Variants in VPS13D observed in about 807,000 individuals in gnomAD.
The protein encoded by VPS13D is intermembrane lipid transfer protein VPS13D.
Under a neutral mutation model 461.9 loss-of-function variants are expected in VPS13D, and 187 were observed. That is an observed-to-expected ratio of 0.40 (90% confidence interval 0.36 to 0.46). The LOEUF is 0.46. VPS13D is among the 20% of genes least tolerant of loss of function. The pLI is 0.60. For missense variants in VPS13D, 4,711 were observed against 5,364.9 expected, an observed-to-expected ratio of 0.88 and a Z score of 3.81; for synonymous variants, 1,951 against 1,986.3, an observed-to-expected ratio of 0.98 and a Z score of 0.47.
chr1:12,364,018 C>T (rs2101617793), intron 52 of VPS13D, among the ~76,000 whole-genome samples: 1 of 143,956 alleles, frequency 6.9e-6, no homozygotes, highest in Non-Finnish European at 1.5e-5. Flanking sequence ...AAACTTTCTT[C>T]TTGCTTTCAT....
At chr1:12,455,850 C>T (rs1477613760) in intron 65 of VPS13D, 148 bp from the exon 66 acceptor site, 25 of 964,230 alleles carry the variant, frequency 2.6e-5, no homozygotes, top group Admixed American at 7.5e-5. Flanking sequence ...GCCTGGGAGG[C>T]GGAGGTTGTG....
rs142270656 is a variant in VPS13D at position 12,385,348 on chromosome 1, A to T, written c.11459A>T (p.Asn3820Ile). The change falls in exon 59 of 70, where the codon AAT becomes ATT. Residue 3820 changes from asparagine to isoleucine, a missense_variant. This residue lies in a region of VPS13D where 4,411 missense variants were observed against 4,937.8 expected (regional missense o/e 0.89). Coordinates refer to ENST00000620676, the MANE Select transcript of VPS13D (RefSeq NM_015378.4). ...VTEQELQKLK[N>I]PDTEQELEVL... ...GAACAAGAGCTGCAGAAATTAAAGA[A>T]TCCAGATACAGAGCAGGAATTGGAA... 3.9e-4 allele frequency: 637 copies of T among 1,613,806 alleles called. No individual in the cohort carries two copies. The highest frequency in any genetic ancestry group is 5.0e-4 in the Non-Finnish European group (590 of 1,179,830).
chr1:12,315,655 G>T (rs1251337301), intron 30 of VPS13D, among the ~76,000 whole-genome samples: 2 of 152,156 alleles, frequency 1.3e-5, no homozygotes, highest in Non-Finnish European at 2.9e-5. Context: ...GGTATGTGAT[G>T]TTAAAGCCCA....
chr1:12,436,013 G>A (rs1645055814), intron 65 of VPS13D, among the ~76,000 whole-genome samples: 2 of 152,170 alleles, frequency 1.3e-5, no homozygotes, highest in Non-Finnish European at 2.9e-5. Context: ...ATAACCTCAT[G>A]TTAACAGGTC....
At chr1:12,389,095 G>A (rs556497120) in intron 60 of VPS13D, among the ~76,000 whole-genome samples, 10 of 152,216 alleles carry the variant, frequency 6.6e-5, no homozygotes, top group Non-Finnish European at 1.5e-4. Flanking sequence ...AGAACTTGGA[G>A]TCCAATGTTC....
Position 12,403,818 on chromosome 1 carries a change from G to A in VPS13D, c.11882-7G>A. On this transcript the variant is annotated splice_region_variant and splice_polypyrimidine_tract_variant and intron_variant, in intron 62 of 69. Transcript: ENST00000620676. ...TTTTTGTTTTTTTAATTCTTCCTTT[G>A]TACCAGAGGTGGAAAAATATGATGA... 1 of 1,586,572 alleles carries A rather than the reference G, an allele frequency of 6.3e-7. No homozygotes were observed. Among genetic ancestry groups the A allele is most frequent in the Non-Finnish European group, 8.6e-7 (1 of 1,168,914 alleles).
chr1:12,400,428 G>GGGAA (rs1220797748), intron 61 of VPS13D, 98 bp downstream of exon 61: 2 of 1,434,068 alleles, frequency 1.4e-6, no homozygotes, highest in Non-Finnish European at 1.9e-6. Context: ...GGGTGCTGAT[G>GGGAA]GGAATAGCTC....
intron 65 of VPS13D, among the ~76,000 whole-genome samples, chr1:12,442,545 C>T (rs1194095779): frequency 6.6e-6 from 1 of 150,894 alleles, no homozygotes; most frequent in Non-Finnish European, 1.5e-5. Flanking sequence ...GTCAGCTTCT[C>T]AAAACTTTTG....
rs1023046559 is a variant in VPS13D, at chr1:12,279,054, A to G, written c.4451-445A>G. ...AAAAGATAGCTTTCTCTGCTTGGAT[A>G]AAAGTTGTTTACTTAGAACTTGTAT... On this transcript the variant is annotated intron_variant, in intron 19 of 69. Transcript: ENST00000620676. The surrounding 1 kb of genome is among the most constrained non-coding windows in gnomAD (Gnocchi z 4.3). Among the ~76,000 whole-genome samples, 5 of 152,180 alleles carry G rather than the reference A, an allele frequency of 3.3e-5. No individual in the cohort carries two copies. Among genetic ancestry groups the G allele is most frequent in the South Asian group, 2.1e-4 (1 of 4,828 alleles).
intron 67 of VPS13D, among the ~76,000 whole-genome samples, chr1:12,477,769 C>A (rs1645652800): frequency 6.6e-6 from 1 of 152,174 alleles, no homozygotes; most frequent in Non-Finnish European, 1.5e-5. Context: ...GTATCCCTCC[C>A]TTATAGCCAA....
At chr1:12,250,589 A>G (rs961764159) in intron 6 of VPS13D, among the ~76,000 whole-genome samples, 2 of 152,230 alleles carry the variant, frequency 1.3e-5, no homozygotes, top group Admixed American at 6.5e-5. Context: ...AAAACCAACA[A>G]TAACAGTTTT....
chr1:12,487,036 C>G (rs1305992196), intron 67 of VPS13D, among the ~76,000 whole-genome samples: 3 of 152,192 alleles, frequency 2.0e-5, no homozygotes, highest in African/African-American at 7.2e-5. Context: ...GAGCATGTCA[C>G]TGGCTCCCCT....
intron 26 of VPS13D, among the ~76,000 whole-genome samples, chr1:12,305,243 A>G (rs561832089): frequency 1.3e-4 from 20 of 152,286 alleles, no homozygotes; most frequent in Middle Eastern, 3.4e-3. Context: ...TCCAAATGAG[A>G]ACATTATTTT....
chr1:12,411,456 G>A (rs2100212051), intron 63 of VPS13D, among the ~76,000 whole-genome samples: 1 of 147,762 alleles, frequency 6.8e-6, no homozygotes, highest in Middle Eastern at 3.4e-3. Flanking sequence ...ATCATAGGGA[G>A]ACCCTGTCTC....
chr1:12,275,931 C>A lies in VPS13D; in HGVS notation c.2343C>A (p.Pro781=). ...CCACACCTCCTAACACCCCACCTCC[C>A]GAGTCAAGCAGCAGCAACGGAGAGA... ...PLATPPNTPP[P]ESSSSNGEKT... Residue 781 remains proline, a synonymous_variant, in exon 19 of 70, where the codon CCC becomes CCA. Coordinates refer to ENST00000620676, the MANE Select transcript of VPS13D (RefSeq NM_015378.4). 6.2e-7 allele frequency: 1 copy of A among 1,613,896 alleles called. No individual in the cohort carries two copies. The highest frequency in any genetic ancestry group is 1.1e-5 in the South Asian group (1 of 91,068).
chr1:12,322,458 G>A, intron 33 of VPS13D, 78 bp from the exon 34 acceptor site: 1 of 1,395,142 alleles, frequency 7.2e-7, no homozygotes, highest in Admixed American at 1.9e-5. Context: ...AGTTGAAATA[G>A]GAATTACATC....
At chr1:12,478,652 A>G in intron 67 of VPS13D, 1 of 382,394 alleles carries the variant, frequency 2.6e-6, no homozygotes, top group Non-Finnish European at 5.3e-6. Flanking sequence ...GCTTTTCAGG[A>G]CTGGGGAGAG....
At chr1:12,262,278 C>G (rs973429359) in intron 13 of VPS13D, among the ~76,000 whole-genome samples, 198 bp downstream of exon 13, 1 of 152,194 alleles carries the variant, frequency 6.6e-6, no homozygotes, top group African/African-American at 2.4e-5. Flanking sequence ...ATCAACTGAT[C>G]AGTACCTAAC....
intron 65 of VPS13D, among the ~76,000 whole-genome samples, chr1:12,435,148 T>C (rs907391691): frequency 3.9e-5 from 6 of 152,220 alleles, no homozygotes; most frequent in African/African-American, 9.6e-5. Flanking sequence ...CTGATACTGA[T>C]TGCCCAGTTG....
Sources: allele counts gnomAD v4.1 joint callset (sites outside exome capture counted in the v4.1 genomes callset), GRCh38; gene constraint gnomAD v4.1.1; regional missense constraint gnomAD v4.1.1; non-coding constraint Gnocchi (gnomAD v3.1); transcripts MANE v1.5; gene names NCBI Gene and HGNC (gene_info 2026-07-23, HGNC 2026-07-21).